The following RNF146 variants were observed in gnomAD, a reference collection of about 807,000 sequenced individuals.
RNF146 encodes E3 ubiquitin-protein ligase RNF146.
In RNF146, 11 loss-of-function variants were observed where a neutral mutation model predicts 29.7. The ratio of observed to expected loss-of-function variants is 0.37; its 90% CI spans 0.23 to 0.61. The LOEUF (loss-of-function observed/expected upper bound fraction) is 0.61. Among genes scored for constraint, RNF146 ranks in the 20% least tolerant of loss-of-function variants. The probability of loss-of-function intolerance (pLI) is 0.66; values close to 1 mark genes in which losing one functional copy is unlikely to be tolerated. For synonymous variants in RNF146, 150 were observed against 159.7 expected (o/e 0.94, Z 0.46); for missense variants, 342 against 438.9 (o/e 0.78, Z 1.97).
At chr6:127,272,604 G>A (rs913788653) in intron 1 of RNF146, among the ~76,000 whole-genome samples, 1 of 152,118 alleles carries the variant, frequency 6.6e-6, no homozygotes, top group Non-Finnish European at 1.5e-5. Context: ...TTTATTGGTT[G>A]CATAAGATGG....
intron 1 of RNF146, among the ~76,000 whole-genome samples, chr6:127,268,511 T>G (rs1406108637): frequency 6.6e-6 from 1 of 151,976 alleles, no homozygotes; most frequent in Non-Finnish European, 1.5e-5. Context: ...ACCGGAAGAG[T>G]GAACACCACT....
intron 1 of RNF146, among the ~76,000 whole-genome samples, chr6:127,273,706 A>T (rs1777804998): frequency 6.6e-6 from 1 of 152,144 alleles, no homozygotes; most frequent in African/African-American, 2.4e-5. Context: ...AATATTTTGA[A>T]AATTAGAGAA....
intron 2 of RNF146, among the ~76,000 whole-genome samples, chr6:127,283,140 C>T (rs1779116860): frequency 1.3e-5 from 2 of 151,686 alleles, no homozygotes; most frequent in Non-Finnish European, 3.0e-5. Flanking sequence ...TATTAATAGA[C>T]TCTTATTAGT....
chr6:127,273,382 C>T (rs1237900181), intron 1 of RNF146, among the ~76,000 whole-genome samples: 1 of 152,112 alleles, frequency 6.6e-6, no homozygotes, highest in African/African-American at 2.4e-5. Flanking sequence ...TCTGTGTTTA[C>T]TAAGTTTTGA....
At chr6:127,283,422 T>G (rs982795437) in intron 2 of RNF146, among the ~76,000 whole-genome samples, 1 of 151,812 alleles carries the variant, frequency 6.6e-6, no homozygotes, top group East Asian at 1.9e-4. Flanking sequence ...TAATACTTGC[T>G]CTACACAAAG....
chr6:127,272,218 T>TA (rs1777598898), intron 1 of RNF146, among the ~76,000 whole-genome samples: 1 of 152,096 alleles, frequency 6.6e-6, no homozygotes, highest in South Asian at 2.1e-4. Context: ...TTCAGTGACA[T>TA]ATGGATTTGG....
chr6:127,270,974 C>T (rs532080305), intron 1 of RNF146, among the ~76,000 whole-genome samples: 19 of 151,970 alleles, frequency 1.3e-4, no homozygotes, highest in Non-Finnish European at 2.6e-4. Flanking sequence ...CGCCACCATG[C>T]CCAGCTAATT....
At chr6:127,272,973 C>T (rs1452790721) in intron 1 of RNF146, among the ~76,000 whole-genome samples, 1 of 152,062 alleles carries the variant, frequency 6.6e-6, no homozygotes, top group Non-Finnish European at 1.5e-5. Context: ...TTTATGTTAC[C>T]TGTTTATAAG....
At chr6:127,277,232 TCTC>T (rs1417352786) in intron 1 of RNF146, among the ~76,000 whole-genome samples, 1 of 152,002 alleles carries the variant, frequency 6.6e-6, no homozygotes, top group Non-Finnish European at 1.5e-5. Context: ...CAGTAAATTG[TCTC>T]CTCCTGTCCT....
chr6:127,280,660 G>A, intron 2 of RNF146: 3 of 689,158 alleles, frequency 4.4e-6, no homozygotes, highest in Non-Finnish European at 5.5e-6. Flanking sequence ...AACTAAGCTA[G>A]GCAAGTAGTA....
chr6:127,271,044 G>A (rs975604176), intron 1 of RNF146, among the ~76,000 whole-genome samples: 1 of 152,032 alleles, frequency 6.6e-6, no homozygotes, highest in African/African-American at 2.4e-5. Context: ...TTGATCTCTT[G>A]ACCTCATGAT....
chr6:127,272,616 T>G (rs1333068583), intron 1 of RNF146, among the ~76,000 whole-genome samples: 1 of 152,218 alleles, frequency 6.6e-6, no homozygotes, highest in Non-Finnish European at 1.5e-5. Flanking sequence ...ATAAGATGGC[T>G]AAATCTCAGC....
At chr6:127,272,419 A>G (rs1013640) in intron 1 of RNF146, among the ~76,000 whole-genome samples, 148,973 of 152,256 alleles carry the variant, frequency 0.98, 72,897 homozygotes, top group East Asian at 1. Context: ...CTTCCCCAGC[A>G]TTTATCCAGT....
intron 1 of RNF146, among the ~76,000 whole-genome samples, chr6:127,270,531 T>TA (rs939506442): frequency 1.9e-4 from 29 of 152,304 alleles, no homozygotes; most frequent in Non-Finnish European, 3.2e-4. Context: ...CCTCCAACTT[T>TA]AAAAAAACTT....
Position 127,287,590 on chromosome 6 carries a change from C to G in RNF146, c.977C>G (p.Ser326Ter). 9.3e-6 allele frequency: 15 copies of G among 1,612,556 alleles called. No individual in the cohort carries two copies. The highest frequency in any genetic ancestry group is 1.3e-5 in the Non-Finnish European group (15 of 1,179,280). The stretch of plus-strand genomic sequence containing the variant: ...GCAAACCAGACAGTACCCGATCGAT[C>G]AGATCGATCGGGAACTGATCGATCA... ...SNANQTVPDR[S>*]DRSGTDRSVA... The change falls in exon 3 of 3, where the codon TCA becomes TGA. Residue 326 changes from serine to a stop codon, truncating the protein, a stop_gained. Coordinates refer to ENST00000368314, the MANE Select transcript of RNF146 (RefSeq NM_001242850.2). LOFTEE classifies it high-confidence loss of function.
In RNF146 at chr6:127,286,874, C is replaced by A; in HGVS notation, c.261C>A (p.Thr87=). The A allele has an allele frequency of 6.2e-7, 1 of 1,613,220 alleles. No homozygotes were observed. The highest frequency in any genetic ancestry group is 1.1e-5 in the South Asian group (1 of 91,074). The change falls in exon 3 of 3, where the codon ACC becomes ACA. Residue 87 remains threonine, a synonymous_variant. Coordinates refer to ENST00000368314, the MANE Select transcript of RNF146 (RefSeq NM_001242850.2). The surrounding 1 kb of genome is among the most constrained non-coding windows in gnomAD (Gnocchi z 4.6). ...EIPEDFLDKP[T]LLSPEELKAA... ...CCGAGGATTTCCTTGACAAGCCAAC[C>A]TTGTTGTCACCAGAAGAACTCAAGG... is the stretch of plus-strand genomic sequence containing the variant.
intron 1 of RNF146, among the ~76,000 whole-genome samples, chr6:127,267,561 C>T (rs1166551866): frequency 6.6e-6 from 1 of 152,092 alleles, no homozygotes; most frequent in East Asian, 1.9e-4. Flanking sequence ...CCCGGAGTGT[C>T]TCTGGCTGCT....
chr6:127,273,121 G>T (rs1051879845), intron 1 of RNF146, among the ~76,000 whole-genome samples: 3 of 152,188 alleles, frequency 2.0e-5, no homozygotes, highest in South Asian at 4.1e-4. Context: ...CTTCACATGG[G>T]TCCCATGGTG....
Position 127,287,761 on chromosome 6 carries a change from T to G in RNF146, c.*68T>G, listed in dbSNP as rs1432906852. The G allele has an allele frequency of 7.2e-6, 7 of 969,956 alleles. No homozygotes were observed. The highest frequency in any genetic ancestry group is 1.6e-5 in the African/African-American group (1 of 60,920). 60.1% of individuals were successfully genotyped at this position (969,956 alleles called of 1,614,324 possible). ...CCTGTAAATTTCTGCCCACATAACA[T>G]TATACTCATCCCTAGTAGTGCATTT... is the stretch of plus-strand genomic sequence containing the variant. On this transcript the variant is annotated 3_prime_UTR_variant, in exon 3 of 3. Transcript: ENST00000368314.
Sources: gnomAD v4.1 joint callset for allele counts (sites outside exome capture counted in the v4.1 genomes callset) on GRCh38, gnomAD v4.1.1 for gene constraint, Gnocchi (gnomAD v3.1) non-coding constraint, MANE v1.5 for transcripts, NCBI Gene and HGNC (gene_info 2026-07-23, HGNC 2026-07-21) for gene names.